Variants in ZC3H15 observed in about 807,000 individuals in gnomAD.
ZC3H15 encodes the protein zinc finger CCCH domain-containing protein 15.
In ZC3H15, 15 loss-of-function variants were observed where a neutral mutation model predicts 51.2. That is an observed-to-expected ratio of 0.29 (90% confidence interval 0.20 to 0.45). ZC3H15 has a LOEUF of 0.45. ZC3H15 is among the 20% of genes least tolerant of loss of function. ZC3H15 has a pLI of 1.00. For missense variants in ZC3H15, 381 were observed against 494.7 expected (o/e 0.77, Z 2.18); for synonymous variants, 144 against 162.8 (o/e 0.88, Z 0.88).
intron 3 of ZC3H15, chr2:186,500,660 C>G (rs1404993183): frequency 2.1e-6 from 1 of 469,472 alleles, no homozygotes; most frequent in Non-Finnish European, 4.2e-6. Flanking sequence ...TCTTTTTTGC[C>G]TTTTTTTGTT....
chr2:186,497,577 CTT>C (rs1685303632), intron 2 of ZC3H15, among the ~76,000 whole-genome samples: 1 of 152,068 alleles, frequency 6.6e-6, no homozygotes, highest in African/African-American at 2.4e-5. Flanking sequence ...TGCAGTTATT[CTT>C]TGTTGGATTC....
chr2:186,493,369 G>T (rs973991157), intron 1 of ZC3H15, among the ~76,000 whole-genome samples: 1 of 152,100 alleles, frequency 6.6e-6, no homozygotes, highest in Non-Finnish European at 1.5e-5. Context: ...AAGCTAGTAA[G>T]TCTGTACAGT....
chr2:186,502,051 T>C (rs879529992), intron 4 of ZC3H15, among the ~76,000 whole-genome samples: 2 of 151,842 alleles, frequency 1.3e-5, no homozygotes, highest in Non-Finnish European at 2.9e-5. Flanking sequence ...CCTTTGGTGT[T>C]TTAAGAAAAC....
chr2:186,496,142 G>A (rs1421767743), intron 2 of ZC3H15, among the ~76,000 whole-genome samples: 1 of 152,120 alleles, frequency 6.6e-6, no homozygotes, highest in Non-Finnish European at 1.5e-5. Context: ...ATGGTTATAA[G>A]GTCTCCCCTG....
chr2:186,486,485 G>C, intron 1 of ZC3H15, 28 bp downstream of exon 1: 3 of 1,522,722 alleles, frequency 2.0e-6, no homozygotes, highest in South Asian at 2.5e-5. Context: ...CCCCACTCAC[G>C]CCGCGAGCCC....
chr2:186,502,709 T>G, intron 5 of ZC3H15, 122 bp downstream of exon 5: 1 of 786,452 alleles, frequency 1.3e-6, no homozygotes, highest in Non-Finnish European at 2.0e-6. Flanking sequence ...TTTGATTTCA[T>G]CAAGATAAGG....
intron 1 of ZC3H15, among the ~76,000 whole-genome samples, chr2:186,491,149 T>C: frequency 6.6e-6 from 1 of 152,202 alleles, no homozygotes; most frequent in Non-Finnish European, 1.5e-5. Flanking sequence ...GAAAGGTTAT[T>C]GCGCACCAAC....
chr2:186,508,856 C>A lies in ZC3H15; in HGVS notation c.*123C>A. ...CCTATGCTGATTCTGGAGGAGTTAA[C>A]CTCCTGCAAAAAAGGCATCTTGTCC... On this transcript the variant is annotated 3_prime_UTR_variant, in exon 10 of 10. Transcript: ENST00000337859. 1 of 1,115,438 alleles carries A rather than the reference C, an allele frequency of 9.0e-7. No homozygotes were observed. The highest frequency in any genetic ancestry group is 1.6e-5 in the African/African-American group (1 of 63,460). The allele number at this position is 1,115,438 out of a possible 1,614,324, so 69.1% of individuals were successfully genotyped here.
chr2:186,502,023 T>C (rs761171759), intron 4 of ZC3H15, among the ~76,000 whole-genome samples: 19 of 151,924 alleles, frequency 1.3e-4, no homozygotes, highest in Admixed American at 3.9e-4. Flanking sequence ...TGAATAATCT[T>C]AAAACTATTT....
At chr2:186,498,218 C>G (rs911229545) in intron 2 of ZC3H15, among the ~76,000 whole-genome samples, 1 of 152,242 alleles carries the variant, frequency 6.6e-6, no homozygotes, top group East Asian at 1.9e-4. Context: ...TTTACCTCCC[C>G]CTACACCCAA....
chr2:186,499,741 C>G (rs550264657), intron 2 of ZC3H15: 2 of 365,472 alleles, frequency 5.5e-6, no homozygotes, highest in African/African-American at 4.3e-5. Context: ...CCTACATTGA[C>G]CTAACCCAGT....
intron 5 of ZC3H15, among the ~76,000 whole-genome samples, chr2:186,502,856 TAAAC>T (rs773266992): frequency 5.3e-5 from 8 of 152,248 alleles, no homozygotes; most frequent in Non-Finnish European, 1.0e-4. Flanking sequence ...CAAATATGGA[TAAAC>T]AAAATTACAT....
rs924974848 is a variant in ZC3H15, at chr2:186,504,610, T to C, written c.717+396T>C. Reference sequence around the variant, plus strand: ...TACGGAAGAAGACAACACTCTAGTTTTTAAATTATATGTTTTATCAGCTCT... The same window carrying C: ...TACGGAAGAAGACAACACTCTAGTTCTTAAATTATATGTTTTATCAGCTCT... On this transcript the variant is annotated intron_variant, in intron 6 of 9. Coordinates refer to ENST00000337859, the MANE Select transcript of ZC3H15 (RefSeq NM_018471.3). Among the ~76,000 whole-genome samples, 4 of 152,186 alleles carry C rather than the reference T, an allele frequency of 2.6e-5. No homozygotes were observed. The East Asian group carries it at 5.8e-4, about 22-fold the overall frequency.
rs566274648 is a variant in ZC3H15 at position 186,508,613 on chromosome 2, C to T, written c.1161C>T (p.Asn387=). 26 of 1,613,874 alleles carry T rather than the reference C, an allele frequency of 1.6e-5. No homozygotes were observed. The highest frequency in any genetic ancestry group is 3.3e-5 in the South Asian group (3 of 91,070). Residue 387 remains asparagine (N), a synonymous_variant, in exon 10 of 10, where the codon AAC becomes AAT. Transcript: ENST00000337859. ...NGERSDLEED[N]EREGTENGAI... ...AAAGAAGTGACTTGGAAGAGGACAA[C>T]GAGAGGGAGGGAACGGAAAATGGAG...
At chr2:186,504,310 GA>G (rs368068184) in intron 6 of ZC3H15, 96 bp downstream of exon 6, 265,134 of 953,444 alleles carry the variant, frequency 0.28, 35,766 homozygotes, top group Non-Finnish European at 0.29. Context: ...TTTATGAAAG[GA>G]AAAAAAAAAT....
chr2:186,494,206 C>A (rs1197397315), intron 1 of ZC3H15, among the ~76,000 whole-genome samples: 2 of 151,950 alleles, frequency 1.3e-5, no homozygotes, highest in Non-Finnish European at 2.9e-5. Context: ...TGAATATTAC[C>A]AAGTTACTGT....
At chr2:186,491,075 A>G (rs1049679617) in intron 1 of ZC3H15, among the ~76,000 whole-genome samples, 3 of 152,170 alleles carry the variant, frequency 2.0e-5, no homozygotes, top group African/African-American at 7.2e-5. Flanking sequence ...AACTTCTCCA[A>G]ATTGCAAATC....
At chr2:186,500,127 T>A (rs1685355685) in intron 2 of ZC3H15, 55 bp from the exon 3 acceptor site, 1 of 1,503,654 alleles carries the variant, frequency 6.7e-7, no homozygotes, top group Admixed American at 2.1e-5. Flanking sequence ...AACTTTGTAG[T>A]AAAAACAATT....
chr2:186,508,813 T>G lies in ZC3H15; in HGVS notation c.*80T>G. On this transcript the variant is annotated 3_prime_UTR_variant, in exon 10 of 10. Transcript: ENST00000337859. ...TACATTAATTTCTTTCCACCTAGAATCAACAGGATGTTTATTTCCTATGCT... is the reference window on the plus strand; with the variant it reads ...TACATTAATTTCTTTCCACCTAGAAGCAACAGGATGTTTATTTCCTATGCT... 2 of 1,454,058 alleles carry G rather than the reference T, an allele frequency of 1.4e-6. No individual in the cohort carries two copies. The highest frequency in any genetic ancestry group is 1.9e-6 in the Non-Finnish European group (2 of 1,060,692). The allele number at this position is 1,454,058 out of a possible 1,614,324, so 90.1% of individuals were successfully genotyped here.
Sources: allele counts gnomAD v4.1 joint callset (sites outside exome capture counted in the v4.1 genomes callset), GRCh38; gene constraint gnomAD v4.1.1; transcripts MANE v1.5; gene names NCBI Gene and HGNC (gene_info 2026-07-23, HGNC 2026-07-21).